ECI2: variants seen among roughly 807,000 people sequenced by gnomAD.
The protein encoded by ECI2 is D3,D2-enoyl-CoA isomerase.
In ECI2, 27 loss-of-function variants were observed where a neutral mutation model predicts 38.4. The ratio of observed to expected loss-of-function variants is 0.70; its 90% confidence interval spans 0.52 to 0.97. The LOEUF (loss-of-function observed/expected upper bound fraction) is 0.97. Among genes scored for constraint, ECI2 ranks in the 50% least tolerant of loss-of-function variants. The pLI is 0.00. For missense variants in ECI2, 470 were observed against 474.4 expected, an observed-to-expected ratio of 0.99 and a Z score of 0.09; for synonymous variants, 168 against 172.0, an observed-to-expected ratio of 0.98 and a Z score of 0.18.
At chr6:4,133,799 A>C in intron 1 of ECI2, 88 bp from the exon 2 acceptor site, 1 of 1,415,170 alleles carries the variant, frequency 7.1e-7, no homozygotes, top group Non-Finnish European at 9.3e-7. Context: ...TATACATAAC[A>C]AAATGCCATG....
rs567407259 is a variant in ECI2, at chr6:4,126,201, G to C, written c.608C>G (p.Thr203Ser). ...ACCAGGGGGAATATCAGTGAAGTTA[G>C]TCAGATCATTCCCACTACTGTAATA... Reference protein sequence around the residue: ...GDYYSSGNDLTNFTDIPPGGV... With the variant: ...GDYYSSGNDLSNFTDIPPGGV... The change falls in exon 6 of 10, where the codon ACT becomes AGT. Residue 203 changes from threonine (T) to serine (S), a missense_variant. By Grantham distance (58) the Thr-to-Ser change is moderately conservative. Transcript: ENST00000380118. The C allele has an allele frequency of 2.7e-5, 44 of 1,613,722 alleles. 1 individual carries two copies. In the East Asian group the frequency reaches 6.2e-4, roughly 23 times the overall value.
At position 4,126,245 on chromosome 6, in the gene ECI2, T is replaced by G. The variant is rs1472108318; in HGVS notation, c.572-8A>C. The G allele has an allele frequency of 1.2e-6, 2 of 1,604,772 alleles. No homozygotes were observed. Among genetic ancestry groups the G allele is most frequent in the East Asian group, 4.5e-5 (2 of 44,812 alleles). Reference sequence around the variant, plus strand: ...TGTAATAGTCACCATTTCCTATAAGTAAGAAAATCAACAGATCCCTCATTC... The same window carrying G: ...TGTAATAGTCACCATTTCCTATAAGGAAGAAAATCAACAGATCCCTCATTC... On this transcript the variant is annotated splice_region_variant and splice_polypyrimidine_tract_variant and intron_variant, in intron 5 of 9. Transcript: ENST00000380118.
intron 2 of ECI2, among the ~76,000 whole-genome samples, chr6:4,132,570 T>C (rs1773549999): frequency 6.6e-6 from 1 of 151,916 alleles, no homozygotes; most frequent in Non-Finnish European, 1.5e-5. Flanking sequence ...GACAGAAAAA[T>C]AGATAACACA....
In ECI2 at chr6:4,115,903, T is replaced by C. The variant is rs757707779; in HGVS notation, c.1156A>G (p.Asn386Asp). ...AGTTTTGATTTTCTGGATAAGAAGT[T>C]CACCACAGCATTTGTGCATTCATCT... Reference protein sequence around the residue: ...LSDECTNAVVNFLSRKSKL With the variant: ...LSDECTNAVVDFLSRKSKL Residue 386 changes from asparagine to aspartate, a missense_variant, in exon 10 of 10, where the codon AAC (asparagine) becomes GAC (aspartate). Physicochemically the swap from Asn to Asp is conservative, Grantham distance 23. Transcript: ENST00000380118. 1 of 1,613,950 alleles carries C rather than the reference T, an allele frequency of 6.2e-7. No individual in the cohort carries two copies.
chr6:4,133,420 A>T (rs1218248881), intron 2 of ECI2, 129 bp downstream of exon 2: 11 of 1,016,564 alleles, frequency 1.1e-5, no homozygotes, highest in South Asian at 1.6e-5. Context: ...ACACACACAC[A>T]CTCTTCAGAG....
rs527358547 is a variant in ECI2 at position 4,129,130 on chromosome 6, T to C, written c.501+1242A>G. 8.4e-4 allele frequency among the ~76,000 whole-genome samples: 122 copies of C among 144,784 alleles called. 1 individual carries two copies. In the Middle Eastern group the frequency reaches 0.01, roughly 12 times the overall value. 95.0% of individuals were successfully genotyped at this position (144,784 alleles called of 152,430 possible). ...CCTTCCTCCCTTCCTTCCTTCCTTCTTTTTTGAGATGGAGTCTCATTGCGA... is the reference window on the plus strand; with the variant it reads ...CCTTCCTCCCTTCCTTCCTTCCTTCCTTTTTGAGATGGAGTCTCATTGCGA... On this transcript the variant is annotated intron_variant, in intron 4 of 9. Coordinates refer to ENST00000380118, the MANE Select transcript of ECI2 (RefSeq NM_206836.3).
chr6:4,123,995 A>G (rs1379593619), intron 7 of ECI2, among the ~76,000 whole-genome samples: 4 of 152,108 alleles, frequency 2.6e-5, no homozygotes, highest in Non-Finnish European at 5.9e-5. Context: ...ATGTATATTG[A>G]AAGTAATTTT....
At chr6:4,121,029 G>C (rs572083138) in intron 7 of ECI2, among the ~76,000 whole-genome samples, 8 of 152,290 alleles carry the variant, frequency 5.3e-5, no homozygotes, top group African/African-American at 1.9e-4. Context: ...GAAGCTGCTA[G>C]ACTGTTTTCT....
intron 7 of ECI2, among the ~76,000 whole-genome samples, chr6:4,119,847 TC>T (rs985624287): frequency 4.7e-5 from 7 of 150,522 alleles, no homozygotes; most frequent in African/African-American, 1.5e-4. Flanking sequence ...CTGTAGTCAG[TC>T]CCTCCCTCCC....
At chr6:4,129,029 T>A (rs1428680344) in intron 4 of ECI2, among the ~76,000 whole-genome samples, 1 of 152,130 alleles carries the variant, frequency 6.6e-6, no homozygotes, top group Non-Finnish European at 1.5e-5. Context: ...GGAGATGGAT[T>A]ATCAGGGTTC....
chr6:4,122,353 T>A (rs1772856117), intron 7 of ECI2, among the ~76,000 whole-genome samples: 1 of 152,060 alleles, frequency 6.6e-6, no homozygotes. Context: ...CCCGAGCAGT[T>A]GGGATTATAG....
At chr6:4,121,450 A>T (rs537412120) in intron 7 of ECI2, among the ~76,000 whole-genome samples, 1 of 152,180 alleles carries the variant, frequency 6.6e-6, no homozygotes, top group South Asian at 2.1e-4. Flanking sequence ...ATAGCCCTTT[A>T]TATTTCATTT....
intron 4 of ECI2, among the ~76,000 whole-genome samples, chr6:4,128,424 C>T (rs1773316812): frequency 1.3e-5 from 2 of 152,114 alleles, no homozygotes. Flanking sequence ...AAATCTTGGA[C>T]AAGCAGCTAT....
chr6:4,127,339 T>G (rs1345806743), intron 5 of ECI2, among the ~76,000 whole-genome samples: 1 of 151,984 alleles, frequency 6.6e-6, no homozygotes, highest in Non-Finnish European at 1.5e-5. Context: ...GTATCTGTGT[T>G]TTTTTAAACA....
At chr6:4,130,946 A>AGTAC (rs2114006677) in intron 2 of ECI2, 81 bp from the exon 3 acceptor site, 2 of 1,347,872 alleles carry the variant, frequency 1.5e-6, no homozygotes, top group East Asian at 4.6e-5. Context: ...AAAATCTGTA[A>AGTAC]GTACATGAAT....
At position 4,130,499 on chromosome 6, in the gene ECI2, G is replaced by A; in HGVS notation, c.374C>T (p.Ser125Phe). ...VSSLSPSLES[S>F]SQVEPGTDRK... ...GTCTGTTCCAGGCTCCACCTGACTA[G>A]AGGATTCCAATGAAGGACTCAAACT... Residue 125 changes from serine (S) to phenylalanine (F), a missense_variant, in exon 4 of 10, where the codon TCT becomes TTT. By Grantham distance (155) the Ser-to-Phe change is radical (BLOSUM62 -2). Coordinates refer to ENST00000380118, the MANE Select transcript of ECI2 (RefSeq NM_206836.3). 1 of 1,614,220 alleles carries A rather than the reference G, an allele frequency of 6.2e-7. No homozygotes were observed. The highest frequency in any genetic ancestry group is 8.5e-7 in the Non-Finnish European group (1 of 1,180,044).
chr6:4,119,049 A>G (rs997885878), intron 8 of ECI2, 137 bp downstream of exon 8: 1 of 699,950 alleles, frequency 1.4e-6, no homozygotes, highest in Non-Finnish European at 2.3e-6. Context: ...TAAAACTCTT[A>G]AAGAGTTGAA....
intron 2 of ECI2, among the ~76,000 whole-genome samples, chr6:4,132,388 A>T (rs1773542027): frequency 6.6e-6 from 1 of 151,990 alleles, no homozygotes; most frequent in Non-Finnish European, 1.5e-5. Flanking sequence ...GTATAACCTG[A>T]AGCCCCCACC....
chr6:4,125,461 C>A, intron 6 of ECI2, 91 bp from the exon 7 acceptor site: 1 of 1,558,080 alleles, frequency 6.4e-7, no homozygotes, highest in Non-Finnish European at 8.7e-7. Flanking sequence ...ATAAAGCCTT[C>A]TGTCAGGCTG....
Sources: gnomAD v4.1 joint callset for allele counts (sites outside exome capture counted in the v4.1 genomes callset) on GRCh38, gnomAD v4.1.1 for gene constraint, MANE v1.5 for transcripts, NCBI Gene and HGNC (gene_info 2026-07-23, HGNC 2026-07-21) for gene names.